Variants in PLS3 observed in about 807,000 individuals in gnomAD.
PLS3 encodes plastin-3.
PLS3 carries 11 observed loss-of-function variants against 46.5 expected under a neutral mutation model. The observed-to-expected ratio is 0.24, with a 90% CI of 0.15 to 0.39. The LOEUF (loss-of-function observed/expected upper bound fraction) is 0.39. Among genes scored for constraint, PLS3 ranks in the 10% least tolerant of loss-of-function variants. PLS3 has a pLI of 1.00. For synonymous variants in PLS3, 167 were observed against 162.2 expected (o/e 1.03, Z -0.22); for missense variants, 308 against 461.8 (o/e 0.67, Z 3.05).
At chrX:115,611,350 CGT>C (rs377312483) in intron 2 of PLS3, among the ~76,000 whole-genome samples, 3,516 of 111,801 alleles carry the variant, frequency 0.031, 133 homozygotes, top group African/African-American at 0.11. Flanking sequence ...CGCGCACGCG[CGT>C]GTGTGTGTGT....
At position 115,609,047 on chromosome X, in the gene PLS3, C is replaced by T. The variant is rs145857711; in HGVS notation, c.-8-1196C>T. The stretch of plus-strand genomic sequence containing the variant: ...CCCAGGAGTTAGACACCAGCTTGGG[C>T]AAGGTGGCAAGACTCTGTCTTTACA... On this transcript the variant is annotated intron_variant, in intron 1 of 15. Transcript: ENST00000355899. Among the ~76,000 whole-genome samples, 675 of 108,982 alleles carry T rather than the reference C, an allele frequency of 6.2e-3. 5 individuals are homozygous for T. Among genetic ancestry groups the T allele is most frequent in the African/African-American group, 0.022 (644 of 29,821 alleles). 94.6% of individuals were successfully genotyped at this position (108,982 alleles called of 115,157 possible).
intron 3 of PLS3, among the ~76,000 whole-genome samples, chrX:115,626,683 G>A (rs1556638543): frequency 1.8e-5 from 2 of 110,889 alleles, no homozygotes; most frequent in Admixed American, 9.7e-5. Context: ...TTTAGAAAAT[G>A]AAGGTCATGT....
intron 3 of PLS3, among the ~76,000 whole-genome samples, chrX:115,627,697 T>C (rs930691382): frequency 8.9e-6 from 1 of 112,228 alleles, no homozygotes. Context: ...GGTGATTTCA[T>C]TGGTTGTGTT....
chrX:115,647,901 G>T lies in PLS3; in HGVS notation c.1644G>T (p.Thr548=). Residue 548 remains threonine, a synonymous_variant, in exon 15 of 16, where the codon ACG becomes ACT. Coordinates refer to ENST00000355899, the MANE Select transcript of PLS3 (RefSeq NM_005032.7). ...TTCTCCTTTCACACTAGGACAAGAC[G>T]ATCAGCTCCAGTTTGGCAGTTGTGG... is the stretch of plus-strand genomic sequence containing the variant. ...STSIQSFKDK[T]ISSSLAVVDL... The T allele has an allele frequency of 1.7e-6, 2 of 1,202,437 alleles. No homozygotes were observed. The highest frequency in any genetic ancestry group is 2.3e-6 in the Non-Finnish European group (2 of 887,335).
chrX:115,646,103 T>C lies in PLS3; in HGVS notation c.1294T>C (p.Leu432=), dbSNP rs871774. 0.046 allele frequency: 54,630 copies of C among 1,181,367 alleles called. 2,109 individuals carry two copies. Among genetic ancestry groups the C allele is most frequent in the African/African-American group, 0.26 (14,742 of 56,285 alleles). Residue 432 remains leucine, a synonymous_variant, in exon 12 of 16, where the codon TTA becomes CTA. Coordinates refer to ENST00000355899, the MANE Select transcript of PLS3 (RefSeq NM_005032.7). The stretch of plus-strand genomic sequence containing the variant: ...GCAAGATGCCCTGGTAATCTTACAG[T>C]TATATGAACGAATTAAAGTTCCTGT... ...DLQDALVILQ[L]YERIKVPVDW... is the part of the protein sequence containing the mutation.
At chrX:115,581,917 A>T (rs782236945) in intron 1 of PLS3, among the ~76,000 whole-genome samples, 1 of 111,793 alleles carries the variant, frequency 8.9e-6, no homozygotes, top group South Asian at 3.8e-4. Flanking sequence ...CATTATCATT[A>T]CAGTGAAGTT....
chrX:115,563,152 A>G (rs782705757), intron 1 of PLS3, among the ~76,000 whole-genome samples: 11 of 111,750 alleles, frequency 9.8e-5, no homozygotes, highest in Non-Finnish European at 1.9e-4. Context: ...TAGTGTTAAA[A>G]AGTAAGGCTC....
intron 2 of PLS3, among the ~76,000 whole-genome samples, chrX:115,615,487 CAGAGAGAGAG>C (rs72382307): frequency 1.7e-3 from 129 of 73,761 alleles, no homozygotes; most frequent in African/African-American, 5.2e-3. Flanking sequence ...CACGTGTCAT[CAGAGAGAGAG>C]AGAGAGAGAG....
intron 1 of PLS3, among the ~76,000 whole-genome samples, chrX:115,585,779 T>G (rs1385963168): frequency 9.0e-6 from 1 of 111,497 alleles, no homozygotes; most frequent in African/African-American, 3.3e-5. Context: ...TATTTCATGT[T>G]CTTATTTCAT....
chrX:115,650,530 A>G lies in PLS3; in HGVS notation c.*969A>G, dbSNP rs2074992128. On this transcript the variant is annotated 3_prime_UTR_variant, in exon 16 of 16. Transcript: ENST00000355899. Reference sequence around the variant, plus strand: ...CAAAGAAATGTGGTCACTAAAAATAAAAGTATATATGTAGGAATTAATGTA... The same window carrying G: ...CAAAGAAATGTGGTCACTAAAAATAGAAGTATATATGTAGGAATTAATGTA... 8.9e-6 allele frequency: 1 copy of G among 112,177 alleles called. No homozygotes were observed. Among genetic ancestry groups the G allele is most frequent in the South Asian group, 3.7e-4 (1 of 2,709 alleles). The allele number at this position is 112,177 out of a possible 1,213,427, so 9.2% of individuals were successfully genotyped here.
rs1352925613 is a variant in PLS3, at chrX:115,574,477, A to T, written c.-9+13217A>T. Among the ~76,000 whole-genome samples, 3 of 112,267 alleles carry T rather than the reference A, an allele frequency of 2.7e-5. No individual in the cohort carries two copies. In the East Asian group the frequency reaches 8.3e-4, roughly 31 times the overall value. On this transcript the variant is annotated intron_variant, in intron 1 of 15. Coordinates refer to ENST00000355899, the MANE Select transcript of PLS3 (RefSeq NM_005032.7). Reference sequence around the variant, plus strand: ...TGAATATTATGAGTGAATGTTATCGATAGTGTTTTCATTGTGAGAACTGCT... The same window carrying T: ...TGAATATTATGAGTGAATGTTATCGTTAGTGTTTTCATTGTGAGAACTGCT...
chrX:115,628,252 T>A (rs1395516227), intron 3 of PLS3, among the ~76,000 whole-genome samples: 1 of 112,403 alleles, frequency 8.9e-6, no homozygotes, highest in African/African-American at 3.2e-5. Context: ...TCCTGAGATG[T>A]GTGTGTGAAT....
At chrX:115,593,676 T>A (rs1194400403) in intron 1 of PLS3, 1 of 111,810 alleles carries the variant, frequency 8.9e-6, no homozygotes, top group Non-Finnish European at 1.9e-5. Context: ...ACTTTGAGAT[T>A]ACTAAATCTA....
At chrX:115,609,409 G>T (rs2074526583) in intron 1 of PLS3, among the ~76,000 whole-genome samples, 1 of 111,822 alleles carries the variant, frequency 8.9e-6, no homozygotes, top group South Asian at 3.7e-4. Context: ...TATAATAATT[G>T]AGTACAATTT....
At chrX:115,583,329 T>C (rs1353370443) in intron 1 of PLS3, among the ~76,000 whole-genome samples, 1 of 112,843 alleles carries the variant, frequency 8.9e-6, no homozygotes, top group African/African-American at 3.2e-5. Context: ...AGGCCATTCA[T>C]GGCAAACTCC....
chrX:115,642,038 CTTTTTTTTTT>C (rs782288958), intron 9 of PLS3, among the ~76,000 whole-genome samples: 1 of 65,723 alleles, frequency 1.5e-5, no homozygotes, highest in African/African-American at 6.1e-5. Context: ...TCTTTAGGGT[CTTTTTTTTTT>C]TTTTTTTTTT....
intron 1 of PLS3, among the ~76,000 whole-genome samples, chrX:115,572,216 T>G (rs1379582542): frequency 9.0e-6 from 1 of 111,629 alleles, no homozygotes; most frequent in African/African-American, 3.3e-5. Context: ...TGGCTGGGCA[T>G]GGTGGCTCAC....
chrX:115,613,058 G>A (rs1556636306), intron 2 of PLS3, among the ~76,000 whole-genome samples: 2 of 111,572 alleles, frequency 1.8e-5, no homozygotes, highest in African/African-American at 6.5e-5. Context: ...ATCTTGCTAT[G>A]GAAACTAGTG....
chrX:115,611,959 C>A (rs1179564333), intron 2 of PLS3, among the ~76,000 whole-genome samples: 1 of 111,456 alleles, frequency 9.0e-6, no homozygotes, highest in Non-Finnish European at 1.9e-5. Context: ...TTTGCCAAAG[C>A]CCCTGCCAGG....
Sources: allele counts gnomAD v4.1 joint callset (sites outside exome capture counted in the v4.1 genomes callset), GRCh38; gene constraint gnomAD v4.1.1; transcripts MANE v1.5; gene names NCBI Gene and HGNC (gene_info 2026-07-23, HGNC 2026-07-21).